Variants in TSHZ3 observed in about 807,000 individuals in gnomAD.
The protein encoded by TSHZ3 is teashirt zinc finger homeobox 3.
TSHZ3 carries 10 observed loss-of-function variants against 64.5 expected under a neutral mutation model. The observed-to-expected ratio is 0.16, with a 90% CI of 0.10 to 0.26. The LOEUF is 0.26. Ranked by LOEUF, TSHZ3 falls within the 10% of genes least tolerant of loss-of-function variation. TSHZ3 has a pLI of 1.00. For synonymous variants in TSHZ3, 608 were observed against 593.1 expected (o/e 1.03, Z -0.36); for missense variants, 1,242 against 1,421.7 (o/e 0.87, Z 2.03).
At chr19:31,228,356 T>C (rs1020281271) in intron 3 of TSHZ3, among the ~76,000 whole-genome samples, 1 of 151,886 alleles carries the variant, frequency 6.6e-6, no homozygotes, top group South Asian at 2.1e-4. Flanking sequence ...TGAAACCCTA[T>C]GTCTACAAAA....
chr19:31,286,771 C>G (rs1253965595), intron 1 of TSHZ3, among the ~76,000 whole-genome samples: 1 of 152,188 alleles, frequency 6.6e-6, no homozygotes, highest in Non-Finnish European at 1.5e-5. Flanking sequence ...GGGATCCACA[C>G]CTACCCTTCC....
downstream of TSHZ3, among the ~76,000 whole-genome samples, chr19:31,271,086 G>A (rs1976129413): frequency 6.6e-6 from 1 of 152,106 alleles, no homozygotes; most frequent in South Asian, 2.1e-4. Context: ...CCAAGACTGA[G>A]TCATCATTAG....
In TSHZ3 at chr19:31,349,167, A is replaced by G; in HGVS notation, c.40+13T>C. On this transcript the variant is annotated intron_variant, in intron 1 of 1. Transcript: ENST00000240587. Reference sequence around the variant, plus strand: ...GGAGGAGGAGAGCAGAAGGAAGGGGAAGCGGCTCGTACCTGCTGCGCGCCG... The same window carrying G: ...GGAGGAGGAGAGCAGAAGGAAGGGGGAGCGGCTCGTACCTGCTGCGCGCCG... 6.5e-7 allele frequency: 1 copy of G among 1,539,690 alleles called. No individual in the cohort carries two copies. Among genetic ancestry groups the G allele is most frequent in the South Asian group, 1.2e-5 (1 of 82,790 alleles).
intron 1 of TSHZ3, among the ~76,000 whole-genome samples, chr19:31,327,994 G>C (rs1599651160): frequency 6.6e-6 from 1 of 152,202 alleles, no homozygotes; most frequent in Non-Finnish European, 1.5e-5. Context: ...AGAGCCTTTA[G>C]TTACTGAGAT....
At chr19:31,241,451 C>G (rs1414605317) in intron 3 of TSHZ3, among the ~76,000 whole-genome samples, 1 of 152,182 alleles carries the variant, frequency 6.6e-6, no homozygotes, top group Non-Finnish European at 1.5e-5. Flanking sequence ...CCAGCCCCAC[C>G]ACACTGCCTG....
intron 1 of TSHZ3, among the ~76,000 whole-genome samples, chr19:31,255,439 G>C (rs1386157596): frequency 6.6e-6 from 1 of 152,072 alleles, no homozygotes; most frequent in Non-Finnish European, 1.5e-5. Context: ...AAAGGCCTGG[G>C]GGATTTGCGT....
In TSHZ3 at chr19:31,302,061, C is replaced by T. The variant is rs1350485086; in HGVS notation, c.41-22309G>A. ...TGAAGACATTCCTTACACTCAGAAA[C>T]GCAGGCAAAGGGGCCCTTACATAAA... On this transcript the variant is annotated intron_variant, in intron 1 of 1. Coordinates refer to ENST00000240587, the MANE Select transcript of TSHZ3 (RefSeq NM_020856.4). Among the ~76,000 whole-genome samples the T allele has an allele frequency of 7.9e-5, 12 of 152,264 alleles. No homozygotes were observed. In the South Asian group the frequency reaches 1.5e-3, roughly 18 times the overall value.
rs1473478787 is a variant in TSHZ3 at position 31,151,695 on chromosome 19, C to T, written n.921G>A. Among the ~76,000 whole-genome samples, 4 of 152,100 alleles carry T rather than the reference C, an allele frequency of 2.6e-5. No individual in the cohort carries two copies. In the South Asian group the frequency reaches 6.2e-4, roughly 24 times the overall value. The stretch of plus-strand genomic sequence containing the variant: ...CTCAGTTTTCAGGGAGAGTCTGTCT[C>T]GATGCAAGAGAATCAGTTTCGTCCC... On this transcript the variant is annotated non_coding_transcript_exon_variant, in exon 7 of 7. Coordinates refer to the TSHZ3 transcript ENST00000651361.
chr19:31,218,554 T>A (rs753223267), intron 4 of TSHZ3, among the ~76,000 whole-genome samples: 3 of 152,164 alleles, frequency 2.0e-5, no homozygotes, highest in Non-Finnish European at 2.9e-5. Context: ...CTCCTAGATA[T>A]ACCCAAGAGA....
chr19:31,208,597 C>T (rs1307633452), intron 4 of TSHZ3, among the ~76,000 whole-genome samples: 1 of 152,232 alleles, frequency 6.6e-6, no homozygotes, highest in African/African-American at 2.4e-5. Context: ...CAATACCTAA[C>T]TTGCAGGGTC....
chr19:31,320,845 T>A (rs998519039), intron 1 of TSHZ3, among the ~76,000 whole-genome samples: 4 of 152,170 alleles, frequency 2.6e-5, no homozygotes, highest in South Asian at 2.1e-4. Context: ...TATCTGTATC[T>A]CTGGTTGCAG....
intron 1 of TSHZ3, among the ~76,000 whole-genome samples, chr19:31,320,824 T>A (rs1916748281): frequency 6.6e-6 from 1 of 152,164 alleles, no homozygotes; most frequent in Non-Finnish European, 1.5e-5. Flanking sequence ...GTCTGGGTGT[T>A]CCTGGGAGAA....
intron 1 of TSHZ3, among the ~76,000 whole-genome samples, chr19:31,313,809 T>A (rs766454964): frequency 6.6e-6 from 1 of 152,176 alleles, no homozygotes; most frequent in African/African-American, 2.4e-5. Flanking sequence ...TTCATAGCCA[T>A]GCACTACCAG....
chr19:31,203,564 G>A (rs1473090897), intron 5 of TSHZ3, among the ~76,000 whole-genome samples: 1 of 152,052 alleles, frequency 6.6e-6, no homozygotes, highest in Non-Finnish European at 1.5e-5. Context: ...GGGGACATCT[G>A]GTATGAGAAT....
At chr19:31,151,477 C>A (rs928721096) in exon 7 of TSHZ3, among the ~76,000 whole-genome samples, 2 of 152,166 alleles carry the variant, frequency 1.3e-5, no homozygotes, top group Non-Finnish European at 2.9e-5. Context: ...GTCTTCAACC[C>A]CCAAAATTAT....
Position 31,278,747 on chromosome 19 carries a change from T to A in TSHZ3, c.1046A>T (p.Asn349Ile). 2 of 1,614,142 alleles carry A rather than the reference T, an allele frequency of 1.2e-6. No homozygotes were observed. The highest frequency in any genetic ancestry group is 1.7e-6 in the Non-Finnish European group (2 of 1,180,016). ...GTTGGAGTTCTTCTGAAGTGCATCG[T>A]TGGTGTCTGAGATGGTGGCTTTGGG... ...GTPKATISDT[N>I]DALQKNSNPY... Residue 349 changes from asparagine to isoleucine, a missense_variant, in exon 2 of 2, where the codon AAC becomes ATC. By Grantham distance (149) the Asn-to-Ile change is moderately radical. Around this residue, in one of 4 missense-constraint regions of TSHZ3, gnomAD observed 555 missense variants for 704.0 expected, o/e 0.79. Transcript: ENST00000240587. The surrounding 1 kb of genome is among the most constrained non-coding windows in gnomAD (Gnocchi z 4.7).
In TSHZ3 at chr19:31,303,101, C is replaced by T. The variant is rs1272831113; in HGVS notation, c.41-23349G>A. Among the ~76,000 whole-genome samples, 4 of 152,262 alleles carry T rather than the reference C, an allele frequency of 2.6e-5. No homozygotes were observed. In the East Asian group the frequency reaches 7.7e-4, roughly 29 times the overall value. Reference sequence around the variant, plus strand: ...GAGTCATCTTTCAAATACGTTTGAACAAACAACTCCAAACAAAGCTACACC... The same window carrying T: ...GAGTCATCTTTCAAATACGTTTGAATAAACAACTCCAAACAAAGCTACACC... On this transcript the variant is annotated intron_variant, in intron 1 of 1. Coordinates refer to ENST00000240587, the MANE Select transcript of TSHZ3 (RefSeq NM_020856.4).
Position 31,278,650 on chromosome 19 carries a change from C to T in TSHZ3, c.1143G>A (p.Arg381=). The T allele has an allele frequency of 6.2e-7, 1 of 1,614,160 alleles. No individual in the cohort carries two copies. Among genetic ancestry groups the T allele is most frequent in the Non-Finnish European group, 8.5e-7 (1 of 1,180,020 alleles). Residue 381 remains arginine, a synonymous_variant, in exon 2 of 2, where the codon CGG becomes CGA. Transcript: ENST00000240587. This position sits in a 1 kb window ranked among gnomAD's most constrained non-coding sequence, Gnocchi z 4.7. The part of the protein sequence containing the change: ...GASYAWHFEA[R]KSQILKCMEC... Reference sequence around the variant, plus strand: ...CCATGCACTTCAGGATCTGCGACTTCCGGGCCTCAAAGTGCCATGCATAGC... The same window carrying T: ...CCATGCACTTCAGGATCTGCGACTTTCGGGCCTCAAAGTGCCATGCATAGC...
At chr19:31,199,583 T>G (rs935602156) in intron 5 of TSHZ3, among the ~76,000 whole-genome samples, 13 of 149,178 alleles carry the variant, frequency 8.7e-5, no homozygotes, top group Non-Finnish European at 1.0e-4. Flanking sequence ...CTTACATTCT[T>G]CCCCCAAATG....
Sources: gnomAD v4.1 joint callset for allele counts (sites outside exome capture counted in the v4.1 genomes callset) on GRCh38, gnomAD v4.1.1 for gene constraint, gnomAD v4.1.1 regional missense constraint, Gnocchi (gnomAD v3.1) non-coding constraint, MANE v1.5 for transcripts, NCBI Gene and HGNC (gene_info 2026-07-23, HGNC 2026-07-21) for gene names.